POLD4: variants seen among roughly 807,000 people sequenced by gnomAD.
POLD4 encodes DNA polymerase delta subunit 4.
POLD4 carries 9 observed loss-of-function variants against 16.5 expected under a neutral mutation model. That is an observed-to-expected ratio of 0.55 (90% CI 0.33 to 0.95). POLD4 has a LOEUF of 0.95. POLD4 is among the 40% of genes least tolerant of loss of function. POLD4 has a pLI of 0.03. For synonymous variants in POLD4, 62 were observed against 57.6 expected, an observed-to-expected ratio of 1.08 and a Z score of -0.35; for missense variants, 129 against 139.7, an observed-to-expected ratio of 0.92 and a Z score of 0.39.
intron 3 of POLD4, 49 bp from the exon 4 acceptor site, chr11:67,352,068 A>G: frequency 7.1e-7 from 1 of 1,399,468 alleles, no homozygotes; most frequent in Non-Finnish European, 1.0e-6. Flanking sequence ...AGAGAGAGAG[A>G]GAAACAGAGA....
At chr11:67,353,237 C>CCCTCTAGGGGCCT in intron 1 of POLD4, 66 bp downstream of exon 1, 1 of 1,566,074 alleles carries the variant, frequency 6.4e-7, no homozygotes, top group Non-Finnish European at 8.7e-7. Flanking sequence ...GCCCCTCCGC[C>CCCTCTAGGGGCCT]CCTCTAGGGG....
intron 2 of POLD4, 79 bp from the exon 3 acceptor site, chr11:67,352,881 G>C: frequency 7.3e-7 from 1 of 1,366,332 alleles, no homozygotes; most frequent in Non-Finnish European, 1.0e-6. Context: ...TGTGTTGGGG[G>C]GAGACAGTTC....
At chr11:67,352,617 G>T in intron 3 of POLD4, 74 bp downstream of exon 3, 1 of 1,162,234 alleles carries the variant, frequency 8.6e-7, no homozygotes, top group Non-Finnish European at 1.3e-6. Context: ...TTCTCCCTCA[G>T]GTCAGGACAG....
Position 67,353,447 on chromosome 11 carries a change from A to G in POLD4, c.-48T>C. On this transcript the variant is annotated 5_prime_UTR_variant, in exon 1 of 4. Coordinates refer to ENST00000312419, the MANE Select transcript of POLD4 (RefSeq NM_021173.5). ...GAAGGAGGCAACTGCGGGGAAGAGG[A>G]GAGACCGGCCAGTGGGCGCGAGAAA... 6.5e-7 allele frequency: 1 copy of G among 1,540,108 alleles called. No individual in the cohort carries two copies. The highest frequency in any genetic ancestry group is 8.9e-7 in the Non-Finnish European group (1 of 1,127,962).
In POLD4 at chr11:67,353,028, C is replaced by T; in HGVS notation, c.147G>A (p.Leu49=). Residue 49 remains leucine, a synonymous_variant, in exon 2 of 4, where the codon CTG becomes CTA. Transcript: ENST00000312419. The stretch of plus-strand genomic sequence containing the variant: ...ACTGCCAGGCCAGGTCAAACTGCCT[C>T]AGCAGCTCCAGCTCCGCTTCCTCCT... The part of the protein sequence containing the change: ...RDEEEAELEL[L]RQFDLAWQYG... 6.3e-7 allele frequency: 1 copy of T among 1,589,768 alleles called. No individual in the cohort carries two copies. The highest frequency in any genetic ancestry group is 8.6e-7 in the Non-Finnish European group (1 of 1,167,924).
chr11:67,352,837 G>A, intron 2 of POLD4, 35 bp from the exon 3 acceptor site: 3 of 1,538,634 alleles, frequency 1.9e-6, no homozygotes, highest in East Asian at 4.5e-5. Flanking sequence ...GGAGACTTGT[G>A]GGGGGTGGGG....
chr11:67,352,989 G>A lies in POLD4; in HGVS notation c.186C>T (p.Thr62=), dbSNP rs1039115770. Residue 62 remains threonine, a splice_region_variant and synonymous_variant, in exon 2 of 4, where the codon ACC becomes ACT. Transcript: ENST00000312419. ...FDLAWQYGPC[T]GITRLQRWCR... Reference sequence around the variant, plus strand: ...CCGTGGGGCTGGGTGGGTTCTCACCGGTGCAGGGCCCGTACTGCCAGGCCA... The same window carrying A: ...CCGTGGGGCTGGGTGGGTTCTCACCAGTGCAGGGCCCGTACTGCCAGGCCA... 7.0e-6 allele frequency: 11 copies of A among 1,566,484 alleles called. No homozygotes were observed. The highest frequency in any genetic ancestry group is 8.7e-6 in the Non-Finnish European group (10 of 1,154,948).
rs902376931 is a variant in POLD4 at position 67,351,708 on chromosome 11, T to A, written c.*287A>T. ...TGTGCCTAACTTGCCAGATCATGGG[T>A]CAGGGAGACAGGCAGCAGGTATTGG... On this transcript the variant is annotated 3_prime_UTR_variant, in exon 4 of 4. Transcript: ENST00000312419. The surrounding 1 kb of genome is among the most constrained non-coding windows in gnomAD (Gnocchi z 4.8). The A allele has an allele frequency of 7.9e-5, 34 of 429,082 alleles. 1 individual carries two copies. Among genetic ancestry groups the A allele is most frequent in the Non-Finnish European group, 1.2e-4 (29 of 234,188 alleles). The allele number at this position is 429,082 out of a possible 1,614,324, so 26.6% of individuals were successfully genotyped here. A position where few individuals can be genotyped will look rare whatever the true frequency, so the allele number is the denominator to read the frequency against.
In POLD4 at chr11:67,353,536, A is replaced by C; in HGVS notation, c.-137T>G. ...GCGGGCAGACAAGATGACCCAGACA[A>C]ACCGAGAGAGGAAGTCGCCGGGGTC... On this transcript the variant is annotated 5_prime_UTR_variant, in exon 1 of 4. Transcript: ENST00000312419. 1.4e-6 allele frequency: 1 copy of C among 704,736 alleles called. No individual in the cohort carries two copies. The highest frequency in any genetic ancestry group is 2.3e-6 in the Non-Finnish European group (1 of 435,276). 43.7% of individuals were successfully genotyped at this position (704,736 alleles called of 1,614,324 possible).
intron 3 of POLD4, 46 bp downstream of exon 3, chr11:67,352,645 G>A (rs1861895756): frequency 6.8e-7 from 1 of 1,467,654 alleles, no homozygotes; most frequent in Non-Finnish European, 9.5e-7. Flanking sequence ...ACAGTGCCTG[G>A]AGAAGGCCCT....
chr11:67,352,174 T>C, intron 3 of POLD4, 155 bp from the exon 4 acceptor site: 1 of 635,600 alleles, frequency 1.6e-6, no homozygotes, highest in East Asian at 2.8e-5. Flanking sequence ...AGATAGTTCC[T>C]TGGGTCCTGG....
intron 2 of POLD4, 41 bp from the exon 3 acceptor site, chr11:67,352,843 T>TG (rs1290885057): frequency 7.1e-7 from 1 of 1,413,176 alleles, no homozygotes; most frequent in Non-Finnish European, 9.6e-7. Flanking sequence ...TTGTGGGGGG[T>TG]GGGGTAGAGT....
In POLD4 at chr11:67,353,221, C is replaced by G. The variant is rs1031278504; in HGVS notation, c.97+82G>C. The stretch of plus-strand genomic sequence containing the variant: ...GGGAGGACAGGCCACCTTTCCCTTT[C>G]CATCGGCCCCTCCGCCCCTCTAGGG... On this transcript the variant is annotated intron_variant, in intron 1 of 3. Coordinates refer to ENST00000312419, the MANE Select transcript of POLD4 (RefSeq NM_021173.5). 3.3e-5 allele frequency: 51 copies of G among 1,551,652 alleles called. 2 individuals are homozygous for G. The South Asian group carries it at 5.7e-4, about 17-fold the overall frequency.
chr11:67,351,208 G>T lies in POLD4; in HGVS notation c.*787C>A, dbSNP rs188928496. ...TGCTGGGAATGTATAGATATGTTTGGACTTCATGAGCTATGGACCCCAGGG... is the reference window on the plus strand; with the variant it reads ...TGCTGGGAATGTATAGATATGTTTGTACTTCATGAGCTATGGACCCCAGGG... On this transcript the variant is annotated 3_prime_UTR_variant, in exon 4 of 4. Transcript: ENST00000312419. This position sits in a 1 kb window ranked among gnomAD's most constrained non-coding sequence, Gnocchi z 4.8. The T allele has an allele frequency of 2.1e-4, 32 of 152,354 alleles. No individual in the cohort carries two copies. Among genetic ancestry groups the T allele is most frequent in the African/African-American group, 7.2e-4 (30 of 41,572 alleles). 9.4% of individuals were successfully genotyped at this position (152,354 alleles called of 1,614,324 possible).
upstream of POLD4, chr11:67,353,587 C>T (rs1193202693): frequency 8.6e-6 from 5 of 583,926 alleles, no homozygotes; most frequent in African/African-American, 7.6e-5. Flanking sequence ...CCCCCACCCC[C>T]AAAAGCACGC....
In POLD4 at chr11:67,350,998, G is replaced by A. The variant is rs2514257; in HGVS notation, c.*997C>T. 9,881 of 149,686 alleles carry A rather than the reference G, an allele frequency of 0.066. 495 individuals are homozygous for A. The highest frequency in any genetic ancestry group is 0.14 in the African/African-American group (5,529 of 40,762). The allele number at this position is 149,686 out of a possible 1,614,324, so 9.3% of individuals were successfully genotyped here. ...AGGATGGTCTCGATCTCTTGACCTC[G>A]TGATCCGCCCTCCTTGGCCTCCCAA... On this transcript the variant is annotated 3_prime_UTR_variant, in exon 4 of 4. Coordinates refer to ENST00000312419, the MANE Select transcript of POLD4 (RefSeq NM_021173.5).
chr11:67,353,024 G>A lies in POLD4; in HGVS notation c.151C>T (p.Gln51Ter). Residue 51 changes from glutamine to a stop codon, truncating the protein, a stop_gained, in exon 2 of 4, where the codon CAG (glutamine) becomes TAG (stop). Transcript: ENST00000312419. LOFTEE classifies it high-confidence loss of function. Reference sequence around the variant, plus strand: ...CCGTACTGCCAGGCCAGGTCAAACTGCCTCAGCAGCTCCAGCTCCGCTTCC... The same window carrying A: ...CCGTACTGCCAGGCCAGGTCAAACTACCTCAGCAGCTCCAGCTCCGCTTCC... ...EEEAELELLR[Q>*]FDLAWQYGPC... 6.3e-7 allele frequency: 1 copy of A among 1,589,506 alleles called. No individual in the cohort carries two copies. The highest frequency in any genetic ancestry group is 8.6e-7 in the Non-Finnish European group (1 of 1,167,816).
At chr11:67,352,205 A>G in intron 3 of POLD4, 186 bp from the exon 4 acceptor site, 1 of 569,194 alleles carries the variant, frequency 1.8e-6, no homozygotes, top group Non-Finnish European at 3.2e-6. Context: ...GCCCCCCACT[A>G]GCTTGTAGAG....
At chr11:67,352,949 C>T (rs1244824551) in intron 2 of POLD4, 39 bp downstream of exon 2, 1 of 1,506,162 alleles carries the variant, frequency 6.6e-7, no homozygotes, top group African/African-American at 1.4e-5. Flanking sequence ...GGGTGACTGG[C>T]TGGGAGAGGC....
Sources: allele counts gnomAD v4.1 joint callset, GRCh38; gene constraint gnomAD v4.1.1; non-coding constraint Gnocchi (gnomAD v3.1); transcripts MANE v1.5; gene names NCBI Gene and HGNC (gene_info 2026-07-23, HGNC 2026-07-21).